LIFR: variants seen among roughly 807,000 people sequenced by gnomAD.
LIFR encodes LIF receptor subunit alpha, also known as leukemia inhibitory factor receptor.
LIFR carries 84 observed loss-of-function variants against 122.2 expected under a neutral mutation model. The observed-to-expected ratio is 0.69, with a 90% CI of 0.58 to 0.82. The LOEUF is 0.82. Among genes scored for constraint, LIFR ranks in the 40% least tolerant of loss-of-function variants. The probability of loss-of-function intolerance (pLI) is 0.00; values close to 1 mark genes in which losing one functional copy is unlikely to be tolerated. For missense variants in LIFR, 1,294 were observed against 1,311.6 expected, an observed-to-expected ratio of 0.99 and a Z score of 0.21; for synonymous variants, 422 against 434.7, an observed-to-expected ratio of 0.97 and a Z score of 0.36.
In LIFR at chr5:38,528,725, C is replaced by A. The variant is rs912681278; in HGVS notation, c.257+1G>T. Reference sequence around the variant, plus strand: ...TGTGAATTAAAGTAAATTAAAATTACCTGTTTTCAATGCAAACTTCATAAT... The same window carrying A: ...TGTGAATTAAAGTAAATTAAAATTAACTGTTTTCAATGCAAACTTCATAAT... On this transcript the variant is annotated splice_donor_variant, in intron 3 of 19. Coordinates refer to ENST00000453190, the MANE Select transcript of LIFR (RefSeq NM_001127671.2). LOFTEE classifies it high-confidence loss of function. 6.5e-7 allele frequency: 1 copy of A among 1,544,482 alleles called. No individual in the cohort carries two copies. The highest frequency in any genetic ancestry group is 1.8e-5 in the Admixed American group (1 of 55,438).
chr5:38,594,648 TAAAA>T (rs1290407172), intron 1 of LIFR, among the ~76,000 whole-genome samples: 1 of 151,966 alleles, frequency 6.6e-6, no homozygotes, highest in Admixed American at 6.6e-5. Flanking sequence ...TAATGAAAAA[TAAAA>T]AGGGAAGCTA....
At position 38,490,216 on chromosome 5, in the gene LIFR, G is replaced by T. The variant is rs771683672; in HGVS notation, c.2141C>A (p.Ser714Tyr). The change falls in exon 15 of 20, where the codon TCC becomes TAC. Residue 714 changes from serine (S) to tyrosine (Y), a missense_variant. Physicochemically the swap from Ser to Tyr is moderately radical, Grantham distance 144. Transcript: ENST00000453190. ...CRNQGYQLLR[S>Y]MIGYIEELAP... ...CAATTCTTCTATATATCCAATCATG[G>T]AGCGTAATAATTGATATCCTTGATT... 3 of 1,562,880 alleles carry T rather than the reference G, an allele frequency of 1.9e-6. No individual in the cohort carries two copies. The highest frequency in any genetic ancestry group is 2.7e-5 in the African/African-American group (2 of 73,584).
chr5:38,541,619 T>C (rs1747597046), intron 1 of LIFR, among the ~76,000 whole-genome samples: 1 of 152,186 alleles, frequency 6.6e-6, no homozygotes, highest in African/African-American at 2.4e-5. Context: ...AAAAGTGATA[T>C]AGACAGATAT....
upstream of LIFR, among the ~76,000 whole-genome samples, chr5:38,596,677 C>G (rs1469645571): frequency 1.3e-5 from 2 of 152,178 alleles, no homozygotes; most frequent in Admixed American, 6.5e-5. Context: ...GACTAACACC[C>G]ATGACCTCTT....
intron 2 of LIFR, among the ~76,000 whole-genome samples, chr5:38,602,975 T>A (rs1224408951): frequency 7.9e-5 from 12 of 152,152 alleles, no homozygotes; most frequent in Admixed American, 7.2e-4. Flanking sequence ...GAAGAGAGCC[T>A]CAGACGTGCA....
intron 5 of LIFR, among the ~76,000 whole-genome samples, chr5:38,522,929 T>A (rs1416680805): frequency 6.6e-6 from 1 of 152,044 alleles, no homozygotes; most frequent in East Asian, 1.9e-4. Context: ...ATGTTGTTCA[T>A]TACTCCTTAG....
chr5:38,505,412 ACACAC>A (rs1561153467), intron 9 of LIFR, among the ~76,000 whole-genome samples: 4 of 137,628 alleles, frequency 2.9e-5, no homozygotes, highest in African/African-American at 7.6e-5. Context: ...ACACACACAC[ACACAC>A]ACACACACAC....
At chr5:38,498,344 T>C (rs2112438847) in intron 12 of LIFR, among the ~76,000 whole-genome samples, 1 of 152,332 alleles carries the variant, frequency 6.6e-6, no homozygotes, top group East Asian at 1.9e-4. Context: ...GCTGGTTCTA[T>C]GCATGCTGCT....
At chr5:38,596,003 TGG>T (rs1370610669), upstream of LIFR, among the ~76,000 whole-genome samples, 1 of 151,954 alleles carries the variant, frequency 6.6e-6, no homozygotes, top group Non-Finnish European at 1.5e-5. Flanking sequence ...CCCAAAGTGC[TGG>T]GATGACAGGC....
intron 1 of LIFR, among the ~76,000 whole-genome samples, chr5:38,591,564 A>G (rs953611123): frequency 4.6e-5 from 7 of 152,234 alleles, no homozygotes; most frequent in Admixed American, 2.6e-4. Context: ...ATTTCTGTTC[A>G]AAGCACTGGA....
At position 38,555,524 on chromosome 5, in the gene LIFR, C is replaced by A. The variant is rs1748473014; in HGVS notation, c.-20+810G>T. Among the ~76,000 whole-genome samples the A allele has an allele frequency of 2.0e-5, 3 of 152,118 alleles. No homozygotes were observed. The South Asian group carries it at 6.2e-4, about 31-fold the overall frequency. On this transcript the variant is annotated intron_variant, in intron 1 of 19. Coordinates refer to ENST00000453190, the MANE Select transcript of LIFR (RefSeq NM_001127671.2). ...TCGGAAGACAAACTTTAAACTGAAA[C>A]TTTTCTGTTGAAAGAATGTATCTTT...
At chr5:38,545,713 T>C (rs930370504) in intron 1 of LIFR, among the ~76,000 whole-genome samples, 1 of 151,418 alleles carries the variant, frequency 6.6e-6, no homozygotes, top group African/African-American at 2.4e-5. Flanking sequence ...ATTCAAAAAA[T>C]TCGCGGGGCA....
intron 1 of LIFR, among the ~76,000 whole-genome samples, chr5:38,533,930 TC>T (rs1216965174): frequency 1.6e-4 from 24 of 152,168 alleles, no homozygotes; most frequent in Non-Finnish European, 3.4e-4. Context: ...ATAAGATGAC[TC>T]CCTTGTCATT....
chr5:38,584,532 C>T (rs1446286728), intron 1 of LIFR, among the ~76,000 whole-genome samples: 1 of 151,828 alleles, frequency 6.6e-6, no homozygotes, highest in Non-Finnish European at 1.5e-5. Flanking sequence ...ATTATTTAGC[C>T]TTAAAAAAGA....
chr5:38,545,350 A>G (rs1195695297), intron 1 of LIFR, among the ~76,000 whole-genome samples: 4 of 151,420 alleles, frequency 2.6e-5, no homozygotes, highest in African/African-American at 7.3e-5. Flanking sequence ...ACATAAATAT[A>G]TGTGTGTGTG....
upstream of LIFR, among the ~76,000 whole-genome samples, chr5:38,598,627 C>T (rs1750167122): frequency 1.3e-5 from 2 of 152,064 alleles, no homozygotes; most frequent in Admixed American, 1.3e-4. Context: ...GCCTGCATCA[C>T]CCGCTCCTGC....
upstream of LIFR, among the ~76,000 whole-genome samples, chr5:38,598,986 G>A (rs1232541921): frequency 1.3e-5 from 2 of 152,196 alleles, no homozygotes; most frequent in African/African-American, 2.4e-5. Context: ...TTGTAGAAAA[G>A]TGCATGGATT....
At chr5:38,545,143 G>A (rs950917627) in intron 1 of LIFR, among the ~76,000 whole-genome samples, 5 of 151,996 alleles carry the variant, frequency 3.3e-5, no homozygotes, top group Admixed American at 6.5e-5. Context: ...GGTGGCGGAC[G>A]CCTGTAGTCT....
At chr5:38,598,211 CTTT>C (rs869193908), upstream of LIFR, among the ~76,000 whole-genome samples, 9 of 62,244 alleles carry the variant, frequency 1.4e-4, 1 homozygote, top group African/African-American at 5.7e-4. Context: ...TAAGGCACCT[CTTT>C]TTTTTTTTTT....
Sources: allele counts gnomAD v4.1 joint callset (sites outside exome capture counted in the v4.1 genomes callset), GRCh38; gene constraint gnomAD v4.1.1; transcripts MANE v1.5; gene names NCBI Gene and HGNC (gene_info 2026-07-23, HGNC 2026-07-21).